The following PAPSS1 variants were observed in gnomAD, a reference collection of about 807,000 sequenced individuals.
PAPSS1 encodes the protein bifunctional 3'-phosphoadenosine 5'-phosphosulfate synthase 1.
In PAPSS1, 50 loss-of-function variants were observed where a neutral mutation model predicts 72.0. The observed-to-expected ratio is 0.69, with a 90% CI of 0.55 to 0.88. PAPSS1 has a LOEUF of 0.88. Among genes scored for constraint, PAPSS1 ranks in the 40% least tolerant of loss-of-function variants. PAPSS1 has a pLI of 0.00. For synonymous variants in PAPSS1, 261 were observed against 263.6 expected, an observed-to-expected ratio of 0.99 and a Z score of 0.09; for missense variants, 657 against 782.2, an observed-to-expected ratio of 0.84 and a Z score of 1.91.
chr4:107,670,758 G>T (rs541302937), intron 5 of PAPSS1, among the ~76,000 whole-genome samples: 1 of 152,212 alleles, frequency 6.6e-6, no homozygotes, highest in South Asian at 2.1e-4. Context: ...GGCTGGTCTT[G>T]AACTCCTGGC....
At position 107,654,732 on chromosome 4, in the gene PAPSS1, T is replaced by C. The variant is rs1802117; in HGVS notation, c.1064A>G (p.Gln355Arg). 3 of 1,613,466 alleles carry C rather than the reference T, an allele frequency of 1.9e-6. No individual in the cohort carries two copies. The highest frequency in any genetic ancestry group is 4.5e-5 in the East Asian group (2 of 44,888). The change falls in exon 8 of 12, where the codon CAG becomes CGG. Residue 355 changes from glutamine (Q) to arginine (R), a missense_variant. Gln to Arg is a conservative substitution (Grantham distance 43). Around this residue, in one of 7 missense-constraint regions of PAPSS1, gnomAD observed 190 missense variants for 176.7 expected, o/e 1.07. Coordinates refer to ENST00000265174, the MANE Select transcript of PAPSS1 (RefSeq NM_005443.5). ...GTGGTTCTTGCATGTCGTTCCCCAC[T>C]GTCTGGCACAGCGCTCCTCTTTCCT... ...EHRKEERCAR[Q>R]WGTTCKNHPY...
intron 1 of PAPSS1, chr4:107,718,382 G>A (rs931270542): frequency 1.3e-5 from 2 of 152,124 alleles, no homozygotes; most frequent in African/African-American, 4.8e-5. Context: ...AGTCAAACAA[G>A]TTTCGTCAAT....
At chr4:107,641,099 A>G (rs552169737) in intron 10 of PAPSS1, among the ~76,000 whole-genome samples, 2 of 152,328 alleles carry the variant, frequency 1.3e-5, no homozygotes, top group African/African-American at 4.8e-5. Context: ...GGCTCCCCTG[A>G]GCCCTCTAAG....
chr4:107,700,434 A>T (rs1723176321), intron 2 of PAPSS1, among the ~76,000 whole-genome samples: 1 of 152,228 alleles, frequency 6.6e-6, no homozygotes, highest in African/African-American at 2.4e-5. Context: ...CTAGGGAAAC[A>T]ATCAAAGGCC....
intron 4 of PAPSS1, among the ~76,000 whole-genome samples, chr4:107,683,978 A>G (rs940670210): frequency 1.3e-5 from 1 of 79,544 alleles, no homozygotes; most frequent in Admixed American, 1.2e-4. Context: ...ACACACACAA[A>G]CACACATTAA....
intron 10 of PAPSS1, among the ~76,000 whole-genome samples, chr4:107,640,816 C>G (rs1726518626): frequency 6.6e-6 from 1 of 152,178 alleles, no homozygotes; most frequent in Non-Finnish European, 1.5e-5. Context: ...GCTGGGCCTT[C>G]CTGAAAAGAA....
rs1726909093 is a variant in PAPSS1, at chr4:107,653,423, C to A, written c.1237+68G>T. 2.0e-6 allele frequency: 3 copies of A among 1,478,560 alleles called. No individual in the cohort carries two copies. The African/African-American group carries it at 4.2e-5, about 21-fold the overall frequency. 91.6% of individuals were successfully genotyped at this position (1,478,560 alleles called of 1,614,324 possible). On this transcript the variant is annotated intron_variant, in intron 9 of 11. Coordinates refer to ENST00000265174, the MANE Select transcript of PAPSS1 (RefSeq NM_005443.5). Reference sequence around the variant, plus strand: ...TCATCGTTTTACATTTTCGTAAGCACTGGAAAAAATCGTCTAGAACTTTCT... The same window carrying A: ...TCATCGTTTTACATTTTCGTAAGCAATGGAAAAAATCGTCTAGAACTTTCT...
At chr4:107,670,900 C>T (rs926440034) in intron 5 of PAPSS1, among the ~76,000 whole-genome samples, 2 of 151,606 alleles carry the variant, frequency 1.3e-5, no homozygotes, top group African/African-American at 4.8e-5. Context: ...TGTTTTAGAG[C>T]GAAAAAAAGG....
intron 11 of PAPSS1, among the ~76,000 whole-genome samples, chr4:107,626,667 T>TA (rs1726109711): frequency 6.6e-6 from 1 of 152,140 alleles, no homozygotes; most frequent in African/African-American, 2.4e-5. Flanking sequence ...TTTAATCAAA[T>TA]AAAAAACAAA....
chr4:107,619,145 ACT>A (rs1267120412), intron 11 of PAPSS1, among the ~76,000 whole-genome samples: 1 of 152,124 alleles, frequency 6.6e-6, no homozygotes, highest in Non-Finnish European at 1.5e-5. Flanking sequence ...TTGCTAGATG[ACT>A]CTGTCTAACT....
intron 9 of PAPSS1, among the ~76,000 whole-genome samples, chr4:107,645,880 T>C (rs1196072656): frequency 1.3e-5 from 2 of 152,158 alleles, no homozygotes; most frequent in Non-Finnish European, 2.9e-5. Flanking sequence ...GTAAGCCAAA[T>C]AGTACATCAT....
intron 4 of PAPSS1, among the ~76,000 whole-genome samples, chr4:107,685,787 T>C (rs3811807): frequency 0.041 from 6,294 of 152,264 alleles, 211 homozygotes; most frequent in East Asian, 0.077. Context: ...CCAGAATAAC[T>C]ACCATTTTCC....
intron 7 of PAPSS1, among the ~76,000 whole-genome samples, chr4:107,655,401 A>T (rs1000217480): frequency 1.3e-5 from 2 of 152,228 alleles, no homozygotes; most frequent in African/African-American, 4.8e-5. Flanking sequence ...ATAGGAAGAC[A>T]GAACTATCCA....
At chr4:107,655,105 TAAAAA>T (rs61591737) in intron 7 of PAPSS1, among the ~76,000 whole-genome samples, 5 of 117,726 alleles carry the variant, frequency 4.2e-5, no homozygotes, top group South Asian at 2.7e-4. Flanking sequence ...TCTCCCAAGT[TAAAAA>T]AAAAAAAAAA....
At chr4:107,694,229 T>C in intron 2 of PAPSS1, 1 of 496,534 alleles carries the variant, frequency 2.0e-6, no homozygotes, top group Non-Finnish European at 3.6e-6. Flanking sequence ...TCCAACTTAT[T>C]TTATTATTTG....
At chr4:107,709,922 CT>C (rs759882684) in intron 1 of PAPSS1, among the ~76,000 whole-genome samples, 1 of 152,222 alleles carries the variant, frequency 6.6e-6, no homozygotes. Flanking sequence ...TGCAATTACC[CT>C]GTCTTGATAA....
At chr4:107,704,723 G>A (rs1723290976) in intron 1 of PAPSS1, among the ~76,000 whole-genome samples, 1 of 152,122 alleles carries the variant, frequency 6.6e-6, no homozygotes, top group Non-Finnish European at 1.5e-5. Context: ...GGCCGAGGCA[G>A]GCGGATCACC....
At chr4:107,639,544 G>A (rs1014657068) in intron 10 of PAPSS1, among the ~76,000 whole-genome samples, 5 of 152,250 alleles carry the variant, frequency 3.3e-5, no homozygotes, top group African/African-American at 9.6e-5. Context: ...AGACCCATCA[G>A]GAGAAATAAG....
intron 10 of PAPSS1, among the ~76,000 whole-genome samples, chr4:107,635,480 T>C (rs1430586695): frequency 6.6e-6 from 1 of 152,188 alleles, no homozygotes; most frequent in Non-Finnish European, 1.5e-5. Context: ...AAGATGCTCA[T>C]CCAACATGTC....
Sources: allele counts gnomAD v4.1 joint callset (sites outside exome capture counted in the v4.1 genomes callset), GRCh38; gene constraint gnomAD v4.1.1; regional missense constraint gnomAD v4.1.1; transcripts MANE v1.5; gene names NCBI Gene and HGNC (gene_info 2026-07-23, HGNC 2026-07-21).